ACAP2: variants seen among roughly 807,000 people sequenced by gnomAD.
ACAP2 encodes ArfGAP with coiled-coil, ankyrin repeat and PH domains 2, also known as arf-GAP with coiled-coil, ANK repeat and PH domain-containing protein 2.
In ACAP2, 39 loss-of-function variants were observed where a neutral mutation model predicts 115.8. The observed-to-expected ratio is 0.34, with a 90% CI of 0.26 to 0.44. The LOEUF (loss-of-function observed/expected upper bound fraction) is 0.44. Among genes scored for constraint, ACAP2 ranks in the 20% least tolerant of loss-of-function variants. The pLI is 1.00. For synonymous variants in ACAP2, 289 were observed against 315.8 expected (o/e 0.92, Z 0.90); for missense variants, 662 against 927.6 (o/e 0.71, Z 3.72).
intron 1 of ACAP2, among the ~76,000 whole-genome samples, chr3:195,409,407 G>A (rs1387503700): frequency 6.6e-6 from 1 of 151,528 alleles, no homozygotes; most frequent in Non-Finnish European, 1.5e-5. Context: ...TTGTACAATA[G>A]AAACTATAAG....
intron 1 of ACAP2, among the ~76,000 whole-genome samples, chr3:195,404,179 T>C (rs749052858): frequency 1.3e-5 from 2 of 151,338 alleles, no homozygotes; most frequent in Non-Finnish European, 2.9e-5. Flanking sequence ...ACACATAAAA[T>C]AAGAAGAAAA....
chr3:195,406,440 A>C (rs1379959052), intron 1 of ACAP2, among the ~76,000 whole-genome samples: 2 of 152,208 alleles, frequency 1.3e-5, no homozygotes, highest in Non-Finnish European at 2.9e-5. Context: ...ATACTCATTA[A>C]AACACCTGTT....
chr3:195,288,836 G>A (rs924724909), intron 21 of ACAP2, among the ~76,000 whole-genome samples: 1 of 152,196 alleles, frequency 6.6e-6, no homozygotes, highest in South Asian at 2.1e-4. Context: ...AACAGAGTGA[G>A]AGTCGGTCTC....
Position 195,311,603 on chromosome 3 carries a change from C to T in ACAP2, c.858-2766G>A, listed in dbSNP as rs192651118. Among the ~76,000 whole-genome samples, 71 of 152,312 alleles carry T rather than the reference C, an allele frequency of 4.7e-4. No individual in the cohort carries two copies. The East Asian group carries it at 0.013, about 27-fold the overall frequency. On this transcript the variant is annotated intron_variant, in intron 10 of 22. Coordinates refer to ENST00000326793, the MANE Select transcript of ACAP2 (RefSeq NM_012287.6). ...CCAGGTTGGAGTGCAATGGCACGAT[C>T]TCGGCTCACTGCAACCTCCGCCTCC... is the stretch of plus-strand genomic sequence containing the variant.
intron 1 of ACAP2, among the ~76,000 whole-genome samples, chr3:195,428,607 T>C (rs1326235760): frequency 3.9e-5 from 6 of 152,122 alleles, no homozygotes; most frequent in Admixed American, 3.3e-4. Context: ...CCTAGATGTG[T>C]AGTAGGCTAT....
At chr3:195,309,398 T>G (rs1247187107) in intron 10 of ACAP2, among the ~76,000 whole-genome samples, 2 of 151,930 alleles carry the variant, frequency 1.3e-5, no homozygotes, top group African/African-American at 4.8e-5. Flanking sequence ...ATACAAAAAT[T>G]AGCTGGGCAT....
chr3:195,362,191 C>T (rs943039163), intron 4 of ACAP2, among the ~76,000 whole-genome samples: 11 of 151,972 alleles, frequency 7.2e-5, no homozygotes, highest in African/African-American at 2.4e-4. Context: ...TGGCACTTGC[C>T]TGTAATCCCA....
At chr3:195,359,123 A>T (rs1331201722) in intron 4 of ACAP2, among the ~76,000 whole-genome samples, 1 of 152,212 alleles carries the variant, frequency 6.6e-6, no homozygotes, top group Non-Finnish European at 1.5e-5. Flanking sequence ...AGATTTTCCC[A>T]GACAAACAAA....
chr3:195,441,214 A>C (rs1715969994), intron 1 of ACAP2, among the ~76,000 whole-genome samples: 1 of 152,224 alleles, frequency 6.6e-6, no homozygotes, highest in Admixed American at 6.5e-5. Flanking sequence ...ATTTCACTTA[A>C]AAATAAATAG....
intron 1 of ACAP2, among the ~76,000 whole-genome samples, chr3:195,422,537 A>G (rs1714271973): frequency 6.6e-6 from 1 of 152,098 alleles, no homozygotes; most frequent in Non-Finnish European, 1.5e-5. Flanking sequence ...GCTGGAGTGC[A>G]GTGTGCGTCG....
intron 1 of ACAP2, chr3:195,412,703 AAGTCTTTGTAAAATC>A (rs1713385329): frequency 7.5e-6 from 2 of 267,526 alleles, no homozygotes; most frequent in Non-Finnish European, 1.6e-5. Context: ...GAGCTACAAG[AAGTCTTTGTAAAATC>A]AGTCTTGAAG....
chr3:195,381,590 C>T (rs6785787), intron 3 of ACAP2, among the ~76,000 whole-genome samples: 1,787 of 152,206 alleles, frequency 0.012, 31 homozygotes, highest in African/African-American at 0.039. Flanking sequence ...TACTAGTAGG[C>T]ATGATCTTGA....
chr3:195,400,980 G>A lies in ACAP2; in HGVS notation c.54-8833C>T, dbSNP rs112173738. On this transcript the variant is annotated intron_variant, in intron 1 of 22. Transcript: ENST00000326793. ...TGGGAGGCCAAAGCAGGAGGACAGC[G>A]TGAGCCCAAGAGTTTCAGACCAGTC... Among the ~76,000 whole-genome samples, 36 of 152,220 alleles carry A rather than the reference G, an allele frequency of 2.4e-4. 1 individual carries two copies. Among genetic ancestry groups the A allele is most frequent in the African/African-American group, 8.2e-4 (34 of 41,526 alleles).
intron 18 of ACAP2, 92 bp from the exon 19 acceptor site, chr3:195,292,544 TAA>T: frequency 1.6e-6 from 2 of 1,250,808 alleles, no homozygotes; most frequent in Non-Finnish European, 2.2e-6. Flanking sequence ...TTTTGCAAGA[TAA>T]AAAGAGTTCT....
intron 9 of ACAP2, 132 bp downstream of exon 9, chr3:195,326,751 CAA>C (rs1299539265): frequency 2.8e-6 from 2 of 715,470 alleles, no homozygotes; most frequent in Non-Finnish European, 4.4e-6. Flanking sequence ...TCTTCAAAAA[CAA>C]AAGAGGAATT....
intron 4 of ACAP2, among the ~76,000 whole-genome samples, chr3:195,372,381 G>A (rs148152861): frequency 2.0e-5 from 3 of 152,282 alleles, no homozygotes; most frequent in African/African-American, 7.2e-5. Context: ...ATGAGTAACT[G>A]CGCTCAAGCT....
At chr3:195,342,088 C>T (rs887687956) in intron 6 of ACAP2, among the ~76,000 whole-genome samples, 3 of 152,124 alleles carry the variant, frequency 2.0e-5, no homozygotes, top group African/African-American at 7.2e-5. Flanking sequence ...CCACACTTCA[C>T]CACTATGCAA....
chr3:195,391,649 C>A (rs888872517), intron 2 of ACAP2, among the ~76,000 whole-genome samples: 3 of 152,122 alleles, frequency 2.0e-5, no homozygotes, highest in East Asian at 3.9e-4. Context: ...TCTAGTCTTA[C>A]TTTCCTCATG....
chr3:195,280,066 G>T (rs142793638), intron 22 of ACAP2, among the ~76,000 whole-genome samples: 87 of 151,944 alleles, frequency 5.7e-4, no homozygotes, highest in African/African-American at 2.0e-3. Flanking sequence ...CAACACTTTG[G>T]GAAGCTGGGT....
Sources: allele counts gnomAD v4.1 joint callset (sites outside exome capture counted in the v4.1 genomes callset), GRCh38; gene constraint gnomAD v4.1.1; transcripts MANE v1.5; gene names NCBI Gene and HGNC (gene_info 2026-07-23, HGNC 2026-07-21).